Variants in KCNB2 observed in about 807,000 individuals in gnomAD.
The protein encoded by KCNB2 is delayed rectifier potassium channel protein.
KCNB2 carries 15 observed loss-of-function variants against 61.5 expected under a neutral mutation model. The observed-to-expected ratio is 0.24, with a 90% CI of 0.16 to 0.38. The LOEUF (loss-of-function observed/expected upper bound fraction) is 0.38, where lower values mean the gene tolerates loss of function less well. Among genes scored for constraint, KCNB2 ranks in the 10% least tolerant of loss-of-function variants. The pLI is 1.00. For missense variants in KCNB2, 828 were observed against 1,125.2 expected (o/e 0.74, Z 3.78); for synonymous variants, 457 against 446.0 (o/e 1.02, Z -0.31).
chr8:72,605,004 G>C (rs1340662065), intron 2 of KCNB2, among the ~76,000 whole-genome samples: 1 of 152,168 alleles, frequency 6.6e-6, no homozygotes, highest in African/African-American at 2.4e-5. Flanking sequence ...GTCTTGCTTA[G>C]AATATTTTAT....
intron 2 of KCNB2, among the ~76,000 whole-genome samples, chr8:72,596,678 T>A (rs1353241061): frequency 6.6e-6 from 1 of 152,208 alleles, no homozygotes; most frequent in Non-Finnish European, 1.5e-5. Context: ...ATTTGTCTAG[T>A]GTTCTATATA....
At chr8:72,654,593 A>G (rs1411403896) in intron 2 of KCNB2, among the ~76,000 whole-genome samples, 2 of 152,148 alleles carry the variant, frequency 1.3e-5, no homozygotes, top group African/African-American at 4.8e-5. Flanking sequence ...CAATAAAATG[A>G]TAGGTACATG....
At chr8:72,758,190 C>T (rs184848540) in intron 2 of KCNB2, among the ~76,000 whole-genome samples, 121 of 152,216 alleles carry the variant, frequency 7.9e-4, no homozygotes, top group Non-Finnish European at 1.3e-3. Context: ...AGTTCTGGAA[C>T]GGCCACTGAG....
At chr8:72,872,349 C>T (rs1355666984) in intron 2 of KCNB2, among the ~76,000 whole-genome samples, 1 of 152,228 alleles carries the variant, frequency 6.6e-6, no homozygotes, top group African/African-American at 2.4e-5. Flanking sequence ...TCATCCCCAA[C>T]ATTTCCCAGT....
In KCNB2 at chr8:72,537,309, G is replaced by C. The variant is rs1006991407; in HGVS notation, c.-670G>C. On this transcript the variant is annotated 5_prime_UTR_variant, in exon 1 of 3. Transcript: ENST00000523207. ...CGCCCCGCCTAGCCTCCCGCGCGCA[G>C]CCTCTACCCTGCTCCGCCACAGACA... 1 of 152,246 alleles carries C rather than the reference G, an allele frequency of 6.6e-6. No individual in the cohort carries two copies. Among genetic ancestry groups the C allele is most frequent in the African/African-American group, 2.4e-5 (1 of 41,364 alleles). 9.4% of individuals were successfully genotyped at this position (152,246 alleles called of 1,614,324 possible).
rs796344449 is a variant in KCNB2, at chr8:72,633,579, G to C, written c.579+65266G>C. On this transcript the variant is annotated intron_variant, in intron 2 of 2. Coordinates refer to ENST00000523207, the MANE Select transcript of KCNB2 (RefSeq NM_004770.3). ...TCCTAACCTGAGAGTCTGCATCTCT[G>C]TTTTCTCTTAGAAGACTCTGAGGGA... Among the ~76,000 whole-genome samples the C allele has an allele frequency of 2.4e-4, 37 of 152,242 alleles. 1 individual carries two copies. Among genetic ancestry groups the C allele is most frequent in the African/African-American group, 8.4e-4 (35 of 41,550 alleles).
intron 2 of KCNB2, among the ~76,000 whole-genome samples, chr8:72,825,641 G>A (rs1809584914): frequency 6.6e-6 from 1 of 152,178 alleles, no homozygotes; most frequent in Non-Finnish European, 1.5e-5. Context: ...TTTCCCTGAT[G>A]GCTAATGATG....
At chr8:72,546,032 G>A (rs754948198) in intron 1 of KCNB2, among the ~76,000 whole-genome samples, 1 of 152,058 alleles carries the variant, frequency 6.6e-6, no homozygotes, top group Non-Finnish European at 1.5e-5. Flanking sequence ...GTGAGTTCTT[G>A]GATATTGGTA....
intron 2 of KCNB2, among the ~76,000 whole-genome samples, chr8:72,612,499 CTTCT>C (rs1281706696): frequency 1.3e-5 from 2 of 152,138 alleles, no homozygotes; most frequent in Admixed American, 6.5e-5. Context: ...TGCTTTCTTC[CTTCT>C]TTAAGTTTTC....
intron 2 of KCNB2, among the ~76,000 whole-genome samples, chr8:72,919,149 C>A (rs1030030651): frequency 6.6e-6 from 1 of 152,106 alleles, no homozygotes; most frequent in Non-Finnish European, 1.5e-5. Context: ...TATATGCATG[C>A]GTATGTTACA....
At chr8:72,815,632 C>T (rs998309947) in intron 2 of KCNB2, among the ~76,000 whole-genome samples, 1 of 152,102 alleles carries the variant, frequency 6.6e-6, no homozygotes, top group Non-Finnish European at 1.5e-5. Flanking sequence ...TTTCCTTAGT[C>T]CTTCACTGAC....
At chr8:72,792,151 T>C (rs550736271) in intron 2 of KCNB2, among the ~76,000 whole-genome samples, 29 of 152,180 alleles carry the variant, frequency 1.9e-4, no homozygotes, top group African/African-American at 6.3e-4. Context: ...AATAGCAGAG[T>C]GTCCAATGTA....
At chr8:72,553,083 A>G (rs936820061) in intron 1 of KCNB2, among the ~76,000 whole-genome samples, 7 of 152,186 alleles carry the variant, frequency 4.6e-5, no homozygotes, top group Admixed American at 3.3e-4. Flanking sequence ...AAAAAAACAC[A>G]CAGACCAAAA....
chr8:72,753,184 G>A (rs1808228700), intron 2 of KCNB2, among the ~76,000 whole-genome samples: 1 of 152,094 alleles, frequency 6.6e-6, no homozygotes, highest in Non-Finnish European at 1.5e-5. Context: ...AGGAGTGGTG[G>A]TAAAAATCCA....
At chr8:72,604,014 C>CA (rs1563536300) in intron 2 of KCNB2, among the ~76,000 whole-genome samples, 28 of 152,244 alleles carry the variant, frequency 1.8e-4, no homozygotes, top group Admixed American at 1.8e-3. Context: ...TGGTTTTGGA[C>CA]TTCTAGCCTC....
intron 2 of KCNB2, among the ~76,000 whole-genome samples, chr8:72,600,194 A>G (rs1807271532): frequency 6.6e-6 from 1 of 152,192 alleles, no homozygotes; most frequent in African/African-American, 2.4e-5. Flanking sequence ...GAACCAACCC[A>G]AATGTCCAAC....
chr8:72,897,217 G>A (rs994314122), intron 2 of KCNB2, among the ~76,000 whole-genome samples: 25 of 151,686 alleles, frequency 1.6e-4, no homozygotes, highest in African/African-American at 5.8e-4. Flanking sequence ...AATTTTTGTT[G>A]AATTTTACTC....
chr8:72,681,595 G>A (rs1375777160), intron 2 of KCNB2, among the ~76,000 whole-genome samples: 3 of 152,182 alleles, frequency 2.0e-5, no homozygotes, highest in African/African-American at 4.8e-5. Context: ...ATAAGTAGAT[G>A]TACCCTCTAT....
At chr8:72,588,103 C>T (rs78741638) in intron 2 of KCNB2, among the ~76,000 whole-genome samples, 3,568 of 152,256 alleles carry the variant, frequency 0.023, 129 homozygotes, top group African/African-American at 0.079. Flanking sequence ...TCTCTTAAAC[C>T]TGAAAGTTCT....
Sources: allele counts gnomAD v4.1 joint callset (sites outside exome capture counted in the v4.1 genomes callset), GRCh38; gene constraint gnomAD v4.1.1; transcripts MANE v1.5; gene names NCBI Gene and HGNC (gene_info 2026-07-23, HGNC 2026-07-21).